The following NCAM2 variants were observed in gnomAD, a reference collection of about 807,000 sequenced individuals.
NCAM2 encodes N-CAM-2.
Under a neutral mutation model 98.1 loss-of-function variants are expected in NCAM2, and 30 were observed. That is an observed-to-expected ratio of 0.31 (90% CI 0.23 to 0.41). The LOEUF (loss-of-function observed/expected upper bound fraction) is 0.41, where lower values mean the gene tolerates loss of function less well. Among genes scored for constraint, NCAM2 ranks in the 10% least tolerant of loss-of-function variants. The probability of loss-of-function intolerance (pLI) is 1.00; values close to 1 mark genes in which losing one functional copy is unlikely to be tolerated. For missense variants in NCAM2, 867 were observed against 1,005.8 expected, an observed-to-expected ratio of 0.86 and a Z score of 1.87; for synonymous variants, 368 against 342.4, an observed-to-expected ratio of 1.07 and a Z score of -0.83.
intron 11 of NCAM2, among the ~76,000 whole-genome samples, chr21:21,420,864 A>G (rs1375554919): frequency 6.6e-6 from 1 of 151,898 alleles, no homozygotes; most frequent in Non-Finnish European, 1.5e-5. Context: ...ATTATAAGAA[A>G]ATGAAGTGTG....
intron 1 of NCAM2, among the ~76,000 whole-genome samples, chr21:21,035,628 T>C (rs2064780242): frequency 6.6e-6 from 1 of 152,198 alleles, no homozygotes; most frequent in Non-Finnish European, 1.5e-5. Flanking sequence ...GTGTCCAGTT[T>C]TTTTTCCATT....
chr21:21,295,042 C>T (rs949479873), intron 5 of NCAM2, among the ~76,000 whole-genome samples: 1 of 151,720 alleles, frequency 6.6e-6, no homozygotes, highest in African/African-American at 2.4e-5. Flanking sequence ...TTTATCTTTA[C>T]CAATTTGACA....
At chr21:21,346,886 G>T (rs112514370) in intron 8 of NCAM2, among the ~76,000 whole-genome samples, 1 of 151,772 alleles carries the variant, frequency 6.6e-6, no homozygotes, top group African/African-American at 2.4e-5. Context: ...AGTAGTAAGA[G>T]GGAAGTTTAT....
At chr21:21,280,167 TGC>T (rs1200852769) in intron 1 of NCAM2, among the ~76,000 whole-genome samples, 2 of 73,334 alleles carry the variant, frequency 2.7e-5, no homozygotes, top group Non-Finnish European at 3.2e-5. Flanking sequence ...GTAGTTAATT[TGC>T]GTGTGTGTGT....
At chr21:21,040,304 T>G (rs1232544140) in intron 1 of NCAM2, among the ~76,000 whole-genome samples, 2 of 152,160 alleles carry the variant, frequency 1.3e-5, no homozygotes, top group Non-Finnish European at 2.9e-5. Flanking sequence ...ATTACGCAAC[T>G]GACTCCTCAC....
At chr21:21,196,500 G>T (rs2069009688) in intron 1 of NCAM2, among the ~76,000 whole-genome samples, 1 of 152,076 alleles carries the variant, frequency 6.6e-6, no homozygotes, top group Admixed American at 6.5e-5. Context: ...GATGTTTCTT[G>T]GACTCTACTT....
chr21:21,193,090 CCGTTTA>C (rs2068878695), intron 1 of NCAM2, among the ~76,000 whole-genome samples: 1 of 152,108 alleles, frequency 6.6e-6, no homozygotes, highest in Non-Finnish European at 1.5e-5. Context: ...AACAAAAGCT[CCGTTTA>C]TGGATTATTC....
chr21:21,230,754 C>G (rs895795632), intron 1 of NCAM2, among the ~76,000 whole-genome samples: 1 of 151,284 alleles, frequency 6.6e-6, no homozygotes, highest in African/African-American at 2.4e-5. Flanking sequence ...GAAAACCACA[C>G]TTTCATGAGT....
chr21:21,024,179 A>C (rs77696324), intron 1 of NCAM2, among the ~76,000 whole-genome samples: 1,840 of 152,366 alleles, frequency 0.012, 32 homozygotes, highest in African/African-American at 0.042. Context: ...GAATGCTGAC[A>C]ATCTGATTGA....
At chr21:21,474,545 A>AT (rs893360562) in intron 14 of NCAM2, among the ~76,000 whole-genome samples, 3 of 149,780 alleles carry the variant, frequency 2.0e-5, no homozygotes, top group African/African-American at 7.4e-5. Flanking sequence ...TTTTTGGCTT[A>AT]TTTTCTGGCT....
intron 1 of NCAM2, among the ~76,000 whole-genome samples, chr21:21,268,246 AG>A (rs1260437234): frequency 2.6e-5 from 4 of 152,118 alleles, no homozygotes; most frequent in Non-Finnish European, 5.9e-5. Flanking sequence ...GTGCACCTCA[AG>A]GTCAGTCACT....
intron 15 of NCAM2, among the ~76,000 whole-genome samples, chr21:21,504,420 T>TA (rs1406870035): frequency 7.4e-6 from 1 of 134,368 alleles, no homozygotes; most frequent in African/African-American, 2.8e-5. Flanking sequence ...AATTATTACT[T>TA]ATGCTCAGGT....
chr21:21,077,315 A>G (rs1389033314), intron 1 of NCAM2, among the ~76,000 whole-genome samples: 4 of 152,198 alleles, frequency 2.6e-5, no homozygotes, highest in Non-Finnish European at 5.9e-5. Flanking sequence ...CTAAAAGAGA[A>G]AACATTGTGC....
chr21:21,483,137 CAT>C (rs1340601523), intron 15 of NCAM2, among the ~76,000 whole-genome samples: 5 of 152,022 alleles, frequency 3.3e-5, no homozygotes, highest in African/African-American at 1.2e-4. Flanking sequence ...TGGCCTGCCA[CAT>C]GTTTGATAAC....
At chr21:21,034,034 G>A (rs2064746192) in intron 1 of NCAM2, among the ~76,000 whole-genome samples, 1 of 147,116 alleles carries the variant, frequency 6.8e-6, no homozygotes, top group Admixed American at 6.9e-5. Flanking sequence ...TAGAGGTTGT[G>A]AGATAAGAGA....
chr21:21,093,665 TA>T (rs1181079606), intron 1 of NCAM2, among the ~76,000 whole-genome samples: 2 of 151,966 alleles, frequency 1.3e-5, no homozygotes, highest in African/African-American at 4.8e-5. Context: ...TTTTTCTGCT[TA>T]AAAAAATAGT....
rs768335702 is a variant in NCAM2, at chr21:21,410,476, A to G, written c.1383+15A>G. The G allele has an allele frequency of 1.4e-6, 2 of 1,386,030 alleles. No homozygotes were observed. Among genetic ancestry groups the G allele is most frequent in the Admixed American group, 2.5e-5 (1 of 40,190 alleles). 85.9% of individuals were successfully genotyped at this position (1,386,030 alleles called of 1,614,324 possible). A position where few individuals can be genotyped will look rare whatever the true frequency, so the allele number is the denominator to read the frequency against. ...TGATATTAGAGGTAAGTCCACATGT[A>G]TACATCAATAAATTGTATTATTTTA... On this transcript the variant is annotated intron_variant, in intron 10 of 17. Coordinates refer to ENST00000400546, the MANE Select transcript of NCAM2 (RefSeq NM_004540.5).
intron 1 of NCAM2, among the ~76,000 whole-genome samples, chr21:21,085,029 C>T (rs1459809958): frequency 6.6e-6 from 1 of 152,122 alleles, no homozygotes; most frequent in Non-Finnish European, 1.5e-5. Context: ...CCACAGTTAT[C>T]ATCTTCAGTC....
chr21:21,064,005 G>A lies in NCAM2; in HGVS notation c.55+65387G>A, dbSNP rs565622782. ...TTGGACATCCAGGAAGTGGCTTGTT[G>A]TCTTAGACCTGAGGGATACTGGGTG... On this transcript the variant is annotated intron_variant, in intron 1 of 17. Transcript: ENST00000400546. Among the ~76,000 whole-genome samples, 6 of 152,310 alleles carry A rather than the reference G, an allele frequency of 3.9e-5. No individual in the cohort carries two copies. The South Asian group carries it at 1.2e-3, about 32-fold the overall frequency.
Sources: gnomAD v4.1 joint callset for allele counts (sites outside exome capture counted in the v4.1 genomes callset) on GRCh38, gnomAD v4.1.1 for gene constraint, MANE v1.5 for transcripts, NCBI Gene and HGNC (gene_info 2026-07-23, HGNC 2026-07-21) for gene names.